Variants in ARHGEF37 observed in about 807,000 individuals in gnomAD.
ARHGEF37 encodes the protein Rho guanine nucleotide exchange factor 37.
A neutral mutation model predicts 71.1 loss-of-function variants in ARHGEF37; 55 were observed. The observed-to-expected ratio is 0.77, with a 90% CI of 0.62 to 0.97. The LOEUF is 0.97. Ranked by LOEUF, ARHGEF37 falls within the 50% of genes least tolerant of loss-of-function variation. ARHGEF37 has a pLI of 0.00. For synonymous variants in ARHGEF37, 327 were observed against 350.6 expected (o/e 0.93, Z 0.75); for missense variants, 765 against 836.8 (o/e 0.91, Z 1.06).
At chr5:149,619,176 T>C in intron 7 of ARHGEF37, 134 bp downstream of exon 7, 2 of 725,534 alleles carry the variant, frequency 2.8e-6, no homozygotes, top group Non-Finnish European at 4.9e-6. Context: ...TCCTGTCTCA[T>C]CTCTTCTGGA....
intron 1 of ARHGEF37, among the ~76,000 whole-genome samples, chr5:149,589,618 G>A (rs2113283264): frequency 6.6e-6 from 1 of 152,184 alleles, no homozygotes; most frequent in South Asian, 2.1e-4. Flanking sequence ...TCCTGCTTCA[G>A]CCCCCCGAGT....
At chr5:149,587,325 A>G (rs933875457) in intron 1 of ARHGEF37, among the ~76,000 whole-genome samples, 1 of 152,162 alleles carries the variant, frequency 6.6e-6, no homozygotes, top group Non-Finnish European at 1.5e-5. Flanking sequence ...TCTTTAGACA[A>G]CTTCATACAT....
At chr5:149,586,243 T>G (rs958288230) in intron 1 of ARHGEF37, among the ~76,000 whole-genome samples, 3 of 147,678 alleles carry the variant, frequency 2.0e-5, no homozygotes, top group Non-Finnish European at 4.5e-5. Flanking sequence ...AGAAGTAAAG[T>G]GACAAATTTT....
At chr5:149,629,185 C>G (rs894437898) in intron 12 of ARHGEF37, among the ~76,000 whole-genome samples, 1 of 151,786 alleles carries the variant, frequency 6.6e-6, no homozygotes, top group African/African-American at 2.4e-5. Flanking sequence ...AAAGAACTAA[C>G]CCCTTGTTCC....
In ARHGEF37 at chr5:149,621,887, A is replaced by C. The variant is rs771315101; in HGVS notation, c.1160A>C (p.Gln387Pro). Reference protein sequence around the residue: ...KLLEVGSVTYQEEAARHTYQA... With the variant: ...KLLEVGSVTYPEEAARHTYQA... ...CTGGAGGTGGGCAGTGTGACCTACC[A>C]GGAGGAGGCCGCCCGGCACACATAC... The change falls in exon 9 of 13, where the codon CAG becomes CCG. Residue 387 changes from glutamine to proline, a missense_variant. Gln to Pro is a moderately conservative substitution (Grantham distance 76). Transcript: ENST00000333677. 6.2e-7 allele frequency: 1 copy of C among 1,614,232 alleles called. No individual in the cohort carries two copies. The highest frequency in any genetic ancestry group is 1.3e-5 in the African/African-American group (1 of 75,070).
intron 9 of ARHGEF37, 78 bp downstream of exon 9, chr5:149,622,140 G>A: frequency 7.0e-7 from 1 of 1,419,830 alleles, no homozygotes; most frequent in East Asian, 2.5e-5. Flanking sequence ...GCTGTGTGTA[G>A]GGGCTAGGAT....
At chr5:149,577,532 A>T (rs530162358), upstream of ARHGEF37, among the ~76,000 whole-genome samples, 4 of 152,384 alleles carry the variant, frequency 2.6e-5, no homozygotes, top group South Asian at 8.3e-4. Flanking sequence ...TGATTAAAAA[A>T]AATGGTATGG....
Position 149,601,164 on chromosome 5 carries a change from G to A in ARHGEF37, c.243G>A (p.Val81=). The change falls in exon 3 of 13, where the codon GTG becomes GTA. Residue 81 remains valine (V), a synonymous_variant. Coordinates refer to ENST00000333677, the MANE Select transcript of ARHGEF37 (RefSeq NM_001001669.3). ...CAAACATTGATGATATCATCAAAGTGAACAGCAGATTCCTCCATGATCTGC... is the reference window on the plus strand; with the variant it reads ...CAAACATTGATGATATCATCAAAGTAAACAGCAGATTCCTCCATGATCTGC... ...LFSNIDDIIK[V]NSRFLHDLQE... The A allele has an allele frequency of 6.2e-7, 1 of 1,613,436 alleles. No homozygotes were observed. The highest frequency in any genetic ancestry group is 1.1e-5 in the South Asian group (1 of 91,010).
In ARHGEF37 at chr5:149,627,039, C is replaced by A. The variant is rs771156690; in HGVS notation, c.1465-37C>A. On this transcript the variant is annotated intron_variant, in intron 10 of 12. Coordinates refer to ENST00000333677, the MANE Select transcript of ARHGEF37 (RefSeq NM_001001669.3). ...TGGTGCCAGCTTTGACAGGTTTATT[C>A]AAGCACTTGTGTCTGTCTGTGCTCC... The A allele has an allele frequency of 1.2e-5, 19 of 1,571,968 alleles. No individual in the cohort carries two copies. In the East Asian group the frequency reaches 4.3e-4, roughly 35 times the overall value.
At chr5:149,581,465 G>C (rs1270814741), upstream of ARHGEF37, 1 of 151,852 alleles carries the variant, frequency 6.6e-6, no homozygotes, top group Non-Finnish European at 1.5e-5. Flanking sequence ...AGGCAGCTGC[G>C]TGGGCATAGC....
chr5:149,598,439 C>T (rs1364987906), intron 2 of ARHGEF37, among the ~76,000 whole-genome samples: 1 of 147,578 alleles, frequency 6.8e-6, no homozygotes, highest in African/African-American at 2.5e-5. Flanking sequence ...TCCTTCTTCT[C>T]CTTCCTCTTC....
At chr5:149,559,649 A>T (rs35336600) in intron 1 of ARHGEF37, among the ~76,000 whole-genome samples, 1 of 152,226 alleles carries the variant, frequency 6.6e-6, no homozygotes, top group Admixed American at 6.5e-5. Context: ...AATTCCTTGT[A>T]TCATAAACAA....
chr5:149,629,301 A>G (rs951735874), intron 12 of ARHGEF37, among the ~76,000 whole-genome samples: 3 of 152,220 alleles, frequency 2.0e-5, no homozygotes, highest in Non-Finnish European at 4.4e-5. Context: ...GCAAAACTAA[A>G]TCATGGTCTT....
intron 4 of ARHGEF37, 123 bp from the exon 5 acceptor site, chr5:149,616,444 G>C: frequency 1.2e-6 from 1 of 863,444 alleles, no homozygotes; most frequent in Non-Finnish European, 1.8e-6. Flanking sequence ...GAGGATCGCA[G>C]AGAGGGGGTG....
intron 1 of ARHGEF37, among the ~76,000 whole-genome samples, chr5:149,582,047 A>T (rs551472316): frequency 1.3e-5 from 2 of 152,352 alleles, no homozygotes; most frequent in South Asian, 4.1e-4. Context: ...AAGGCCAGGA[A>T]AAAAGAGAAC....
chr5:149,566,524 C>A (rs1018257213), intron 1 of ARHGEF37, among the ~76,000 whole-genome samples: 3 of 135,814 alleles, frequency 2.2e-5, no homozygotes, highest in East Asian at 5.1e-4. Context: ...CCCAAAAAAA[C>A]CAACCAAACA....
intron 4 of ARHGEF37, among the ~76,000 whole-genome samples, chr5:149,613,862 C>T (rs1327666027): frequency 6.6e-6 from 1 of 151,244 alleles, no homozygotes; most frequent in Non-Finnish European, 1.5e-5. Flanking sequence ...CTCCCAGGCT[C>T]AGGGGATCCT....
At chr5:149,612,017 G>GGC (rs924198924) in intron 4 of ARHGEF37, among the ~76,000 whole-genome samples, 10 of 152,120 alleles carry the variant, frequency 6.6e-5, no homozygotes, top group African/African-American at 2.4e-4. Context: ...AAGATATAAG[G>GGC]AAGCCATCAG....
intron 1 of ARHGEF37, among the ~76,000 whole-genome samples, chr5:149,584,455 A>G (rs532548067): frequency 1.8e-4 from 28 of 152,270 alleles, no homozygotes; most frequent in Admixed American, 2.6e-4. Flanking sequence ...TTATTTATCA[A>G]CACAGAGAAG....
Sources: gnomAD v4.1 joint callset for allele counts (sites outside exome capture counted in the v4.1 genomes callset) on GRCh38, gnomAD v4.1.1 for gene constraint, MANE v1.5 for transcripts, NCBI Gene and HGNC (gene_info 2026-07-23, HGNC 2026-07-21) for gene names.